The following PPIL4 variants were observed in gnomAD, a reference collection of about 807,000 sequenced individuals.
PPIL4 encodes peptidylprolyl isomerase like 4, also known as peptidyl-prolyl cis-trans isomerase-like 4.
PPIL4 carries 50 observed loss-of-function variants against 69.1 expected under a neutral mutation model. The ratio of observed to expected loss-of-function variants is 0.72; its 90% confidence interval spans 0.58 to 0.92. PPIL4 has a LOEUF of 0.92. Among genes scored for constraint, PPIL4 ranks in the 40% least tolerant of loss-of-function variants. The pLI, the probability that PPIL4 is intolerant of heterozygous loss-of-function variation, is 0.00. For missense variants in PPIL4, 480 were observed against 587.9 expected, an observed-to-expected ratio of 0.82 and a Z score of 1.90; for synonymous variants, 193 against 191.6, an observed-to-expected ratio of 1.01 and a Z score of -0.06.
chr6:149,521,628 G>A (rs1034562885), intron 9 of PPIL4, among the ~76,000 whole-genome samples: 9 of 152,142 alleles, frequency 5.9e-5, no homozygotes, highest in African/African-American at 1.9e-4. Context: ...TATCCACTTA[G>A]TATGAATATT....
chr6:149,518,673 A>G (rs1291006135), intron 10 of PPIL4, among the ~76,000 whole-genome samples: 1 of 152,240 alleles, frequency 6.6e-6, no homozygotes, highest in East Asian at 1.9e-4. Flanking sequence ...TAATGGTAAC[A>G]AACAGCCATC....
rs770449691 is a variant in PPIL4, at chr6:149,533,530, T to C, written c.606A>G (p.Gly202=). 10 of 1,612,634 alleles carry C rather than the reference T, an allele frequency of 6.2e-6. No individual in the cohort carries two copies. In the South Asian group the frequency reaches 1.1e-4, roughly 18 times the overall value. ...TTTCTTCTACTTCCTCAGCTGATCT[T>C]CCTTTGAAATCATCAATTTCTTCAT... ...GADEEIDDFK[G]RSAEEVEEIK... Residue 202 remains glycine, a synonymous_variant, in exon 7 of 13, where the codon GGA becomes GGG. Coordinates refer to ENST00000253329, the MANE Select transcript of PPIL4 (RefSeq NM_139126.4).
At position 149,521,174 on chromosome 6, in the gene PPIL4, GATAATA is replaced by G. The variant is rs1301286478; in HGVS notation, c.871-9_871-4del. 6.8e-7 allele frequency: 1 copy of G among 1,469,092 alleles called. No individual in the cohort carries two copies. The highest frequency in any genetic ancestry group is 1.4e-5 in the African/African-American group (1 of 71,104). The allele number at this position is 1,469,092 out of a possible 1,614,324, so 91.0% of individuals were successfully genotyped here. On this transcript the variant is annotated splice_polypyrimidine_tract_variant and splice_region_variant and intron_variant, in intron 9 of 12. Transcript: ENST00000253329. Reference sequence around the variant, plus strand: ...AATGCTTTCTCACAATCTTCTTCCTGATAATAATTATAAAAACTCAAGCATAAATCT... The same window carrying G: ...AATGCTTTCTCACAATCTTCTTCCTGATTATAAAAACTCAAGCATAAATCT...
At chr6:149,524,616 T>C (rs1471196823) in intron 9 of PPIL4, among the ~76,000 whole-genome samples, 2 of 152,162 alleles carry the variant, frequency 1.3e-5, no homozygotes, top group East Asian at 1.9e-4. Context: ...AGTTCTAAGA[T>C]TGGCTGAGTG....
rs767388494 is a variant in PPIL4, at chr6:149,536,607, C to A, written c.322-869G>T. 5.9e-5 allele frequency among the ~76,000 whole-genome samples: 9 copies of A among 152,160 alleles called. No individual in the cohort carries two copies. In the South Asian group the frequency reaches 1.0e-3, roughly 18 times the overall value. On this transcript the variant is annotated intron_variant, in intron 4 of 12. Transcript: ENST00000253329. ...CCTTAAGCCAAAGCCTAATTCCAAA[C>A]AAGCCCTAACTTTATTCAATTCTAT...
intron 4 of PPIL4, among the ~76,000 whole-genome samples, chr6:149,536,504 T>C (rs1412504050): frequency 6.6e-6 from 1 of 152,134 alleles, no homozygotes; most frequent in Non-Finnish European, 1.5e-5. Context: ...AACACATGAA[T>C]GATAAAATGA....
chr6:149,539,967 G>A (rs989876500), intron 4 of PPIL4, among the ~76,000 whole-genome samples: 10 of 151,894 alleles, frequency 6.6e-5, no homozygotes, highest in African/African-American at 1.9e-4. Context: ...CTGTCTCTAC[G>A]AAAAATACAG....
At position 149,505,623 on chromosome 6, in the gene PPIL4, G is replaced by A; in HGVS notation, c.1309C>T (p.Arg437Ter). ...CGGCTACGACTTCGGTTCTGAGTTC[G>A]GTCTCTCTTTTCACTCTTTTGTTTC... Reference protein sequence around the residue: ...WEKQKSEKRDRTQNRSRSRSR... With the variant: ...WEKQKSEKRD Residue 437 changes from arginine (R) to a stop codon, truncating the protein, a stop_gained, in exon 13 of 13, where the codon CGA becomes TGA. Coordinates refer to ENST00000253329, the MANE Select transcript of PPIL4 (RefSeq NM_139126.4). LOFTEE classifies it high-confidence loss of function. The A allele has an allele frequency of 8.7e-6, 14 of 1,613,974 alleles. No homozygotes were observed. The highest frequency in any genetic ancestry group is 1.2e-5 in the Non-Finnish European group (14 of 1,179,966).
At chr6:149,524,349 A>T (rs558183875) in intron 9 of PPIL4, among the ~76,000 whole-genome samples, 2 of 152,256 alleles carry the variant, frequency 1.3e-5, no homozygotes, top group African/African-American at 4.8e-5. Context: ...TTTAAGCAAC[A>T]TAAGCTATCA....
chr6:149,540,846 C>T lies in PPIL4; in HGVS notation c.321+96G>A, dbSNP rs1341926649. ...CTAACACATATTTCTGATTGAAACC[C>T]TCTAAGCCTTACTGGATAGTTTAAA... is the stretch of plus-strand genomic sequence containing the variant. On this transcript the variant is annotated intron_variant, in intron 4 of 12. Transcript: ENST00000253329. 1.3e-5 allele frequency: 9 copies of T among 670,478 alleles called. No homozygotes were observed. The East Asian group carries it at 1.6e-4, about 12-fold the overall frequency. 41.5% of individuals were successfully genotyped at this position (670,478 alleles called of 1,614,324 possible).
At chr6:149,509,407 A>G (rs1776809543) in intron 12 of PPIL4, among the ~76,000 whole-genome samples, 1 of 152,170 alleles carries the variant, frequency 6.6e-6, no homozygotes, top group African/African-American at 2.4e-5. Context: ...TATTTATCTC[A>G]GGCTTAAATT....
At chr6:149,538,264 C>CAA (rs879442295) in intron 4 of PPIL4, among the ~76,000 whole-genome samples, 2 of 138,038 alleles carry the variant, frequency 1.4e-5, no homozygotes, top group Admixed American at 7.3e-5. Flanking sequence ...GAATCTGTCT[C>CAA]AAAAAAAAAA....
In PPIL4 at chr6:149,504,556, A is replaced by C. The variant is rs951853453; in HGVS notation, c.*897T>G. On this transcript the variant is annotated 3_prime_UTR_variant, in exon 13 of 13. Transcript: ENST00000253329. The stretch of plus-strand genomic sequence containing the variant: ...AAACCTTAAAAGCAGCCAGGAAAAA[A>C]ATGACATCTTACACATGGAAGAGCA... 6.6e-6 allele frequency among the ~76,000 whole-genome samples: 1 copy of C among 152,226 alleles called. No homozygotes were observed. Among genetic ancestry groups the C allele is most frequent in the African/African-American group, 2.4e-5 (1 of 41,462 alleles).
chr6:149,534,317 G>A lies in PPIL4; in HGVS notation c.561+361C>T, dbSNP rs150545370. ...TAAAATATGTGGGGGAACAGTCTGC[G>A]CTGTTTCACAGAAATTTCTGGGTTC... On this transcript the variant is annotated intron_variant, in intron 6 of 12. Transcript: ENST00000253329. Among the ~76,000 whole-genome samples the A allele has an allele frequency of 7.1e-3, 1,076 of 152,292 alleles. 7 individuals are homozygous for A. Among genetic ancestry groups the A allele is most frequent in the Non-Finnish European group, 0.011 (716 of 68,026 alleles).
At chr6:149,541,626 C>G (rs746317221) in intron 1 of PPIL4, 40 bp from the exon 2 acceptor site, 2 of 1,093,556 alleles carry the variant, frequency 1.8e-6, no homozygotes, top group Non-Finnish European at 2.8e-6. Context: ...CAGTAATCCA[C>G]AAACACATTT....
chr6:149,505,187 T>C lies in PPIL4; in HGVS notation c.*266A>G, dbSNP rs900071496. 5.5e-5 allele frequency: 18 copies of C among 324,748 alleles called. No individual in the cohort carries two copies. Among genetic ancestry groups the C allele is most frequent in the African/African-American group, 3.7e-4 (17 of 46,164 alleles). 20.1% of individuals were successfully genotyped at this position (324,748 alleles called of 1,614,324 possible). A position where few individuals can be genotyped will look rare whatever the true frequency, so the allele number is the denominator to read the frequency against. ...TATTTTTGTAGTATGAAATACTTCA[T>C]TAAAAAAAGAGTGAAAATGTAAGAC... On this transcript the variant is annotated 3_prime_UTR_variant, in exon 13 of 13. Coordinates refer to ENST00000253329, the MANE Select transcript of PPIL4 (RefSeq NM_139126.4).
At chr6:149,508,959 T>G (rs1485089596) in intron 12 of PPIL4, among the ~76,000 whole-genome samples, 1 of 152,030 alleles carries the variant, frequency 6.6e-6, no homozygotes, top group African/African-American at 2.4e-5. Context: ...TACTGAAAAT[T>G]CTCTTTAATG....
In PPIL4 at chr6:149,517,422, C is replaced by G. The variant is rs775621486; in HGVS notation, c.1011G>C (p.Lys337Asn). 1.9e-6 allele frequency: 3 copies of G among 1,601,616 alleles called. No individual in the cohort carries two copies. Among genetic ancestry groups the G allele is most frequent in the Non-Finnish European group, 2.6e-6 (3 of 1,172,506 alleles). Residue 337 changes from lysine to asparagine, a missense_variant, in exon 11 of 13, where the codon AAG becomes AAC. By Grantham distance (94) the Lys-to-Asn change is moderately conservative. Coordinates refer to ENST00000253329, the MANE Select transcript of PPIL4 (RefSeq NM_139126.4). ...KGGKYTKSDF[K>N]EYEKEQDKPP... is the part of the protein sequence containing the mutation. ...GTTTATCCTGTTCTTTTTCATACTC[C>G]TTGAAATCACTCTTGGTGTATTTCC...
At chr6:149,534,629 C>T (rs1030442922) in intron 6 of PPIL4, 49 bp downstream of exon 6, 2 of 955,742 alleles carry the variant, frequency 2.1e-6, no homozygotes, top group Admixed American at 2.4e-5. Context: ...TAAATCCATA[C>T]AAATCATTAA....
Sources: allele counts gnomAD v4.1 joint callset (sites outside exome capture counted in the v4.1 genomes callset), GRCh38; gene constraint gnomAD v4.1.1; transcripts MANE v1.5; gene names NCBI Gene and HGNC (gene_info 2026-07-23, HGNC 2026-07-21).